NOC3L: variants seen among roughly 807,000 people sequenced by gnomAD.
NOC3L encodes nucleolar complex protein 3 homolog.
Under a neutral mutation model 102.5 loss-of-function variants are expected in NOC3L, and 85 were observed. The ratio of observed to expected loss-of-function variants is 0.83; its 90% CI spans 0.70 to 0.99. The LOEUF (loss-of-function observed/expected upper bound fraction) is 0.99. Among genes scored for constraint, NOC3L ranks in the 50% least tolerant of loss-of-function variants. The pLI is 0.00. For synonymous variants in NOC3L, 303 were observed against 309.4 expected (o/e 0.98, Z 0.22); for missense variants, 878 against 914.9 (o/e 0.96, Z 0.52).
chr10:94,325,313 A>C, the NOC3L span: 1 of 499,200 alleles, frequency 2.0e-6, no homozygotes, highest in Non-Finnish European at 3.6e-6. Context: ...GAAAAAGGGA[A>C]AGAGGCTGGG....
chr10:94,323,983 C>A, the NOC3L span, among the ~76,000 whole-genome samples: 5,104 of 152,284 alleles, frequency 0.034, 291 homozygotes, highest in African/African-American at 0.11. Flanking sequence ...CTATTCCTCA[C>A]TGGCTGACTT....
chr10:94,332,985 G>A (rs2054177271), downstream of NOC3L, among the ~76,000 whole-genome samples: 1 of 152,084 alleles, frequency 6.6e-6, no homozygotes, highest in African/African-American at 2.4e-5. Flanking sequence ...TAAAAAATGT[G>A]ACCTCAGAAC....
At chr10:94,320,931 G>C in the NOC3L span, among the ~76,000 whole-genome samples, 2 of 152,284 alleles carry the variant, frequency 1.3e-5, no homozygotes, top group African/African-American at 2.4e-5. Context: ...AATAAGGTGG[G>C]AGAAGGAAAA....
At chr10:94,356,642 A>C (rs765383383) in intron 4 of NOC3L, 51 bp from the exon 5 acceptor site, 7 of 1,106,730 alleles carry the variant, frequency 6.3e-6, no homozygotes, top group Non-Finnish European at 9.6e-6. Flanking sequence ...TAAGTGGTAA[A>C]AACTGTAAAG....
At chr10:94,359,322 A>G (rs1357617219) in intron 2 of NOC3L, among the ~76,000 whole-genome samples, 1 of 152,192 alleles carries the variant, frequency 6.6e-6, no homozygotes, top group Non-Finnish European at 1.5e-5. Context: ...GCTACTTGGG[A>G]AGCTGAGGCA....
the NOC3L span, among the ~76,000 whole-genome samples, chr10:94,318,619 G>A: frequency 6.6e-6 from 1 of 152,148 alleles, no homozygotes; most frequent in Admixed American, 6.5e-5. Flanking sequence ...CCATCCTTGT[G>A]GATCACCCAC....
chr10:94,329,974 T>G (rs1189219538), downstream of NOC3L: 2 of 152,160 alleles, frequency 1.3e-5, no homozygotes, highest in Non-Finnish European at 2.9e-5. Context: ...TGCACAATGC[T>G]GCTCCATTTT....
chr10:94,356,782 A>G (rs990990637), intron 4 of NOC3L, among the ~76,000 whole-genome samples, 191 bp from the exon 5 acceptor site: 2 of 152,162 alleles, frequency 1.3e-5, no homozygotes, highest in Non-Finnish European at 2.9e-5. Flanking sequence ...CCTTGTCTGA[A>G]TAGTAGTTTT....
chr10:94,343,073 G>C (rs1197079975), intron 13 of NOC3L, among the ~76,000 whole-genome samples: 1 of 145,556 alleles, frequency 6.9e-6, no homozygotes, highest in Non-Finnish European at 1.5e-5. Flanking sequence ...AACAGAGCAA[G>C]ACAGTGTCTC....
chr10:94,362,038 G>A (rs1343246348), intron 1 of NOC3L, 166 bp from the exon 2 acceptor site: 1 of 681,524 alleles, frequency 1.5e-6, no homozygotes, highest in Non-Finnish European at 2.6e-6. Context: ...TAATCCTACA[G>A]AAGAGCGCTA....
Position 94,357,176 on chromosome 10 carries a change from G to C in NOC3L, c.506C>G (p.Pro169Arg). ...SGIIPQTREK[P>R]VTDSNKDEED... is the part of the protein sequence containing the mutation. ...TATTACCAGTTTATTAGACTCACCT[G>C]GCTTCTCCCTAGTCTGTGGGATTAT... Residue 169 changes from proline (P) to arginine (R), a missense_variant and splice_region_variant, in exon 4 of 21, where the codon CCA becomes CGA. Coordinates refer to ENST00000371361, the MANE Select transcript of NOC3L (RefSeq NM_022451.11). 6.4e-7 allele frequency: 1 copy of C among 1,551,746 alleles called. No homozygotes were observed. Among genetic ancestry groups the C allele is most frequent in the African/African-American group, 1.4e-5 (1 of 72,094 alleles).
the NOC3L span, among the ~76,000 whole-genome samples, chr10:94,323,489 A>G: frequency 2.4e-4 from 36 of 152,334 alleles, no homozygotes; most frequent in Non-Finnish European, 4.1e-4. Context: ...TGCCCCTACC[A>G]TATCTGATTT....
the NOC3L span, among the ~76,000 whole-genome samples, chr10:94,319,552 G>C: frequency 6.6e-6 from 1 of 152,064 alleles, no homozygotes; most frequent in Non-Finnish European, 1.5e-5. Flanking sequence ...ACATCTTCCT[G>C]TGGTCAATGT....
chr10:94,357,597 G>A (rs2054503789), intron 3 of NOC3L: 2 of 280,716 alleles, frequency 7.1e-6, no homozygotes, highest in Admixed American at 5.1e-5. Context: ...AGTTACAGCA[G>A]ATTCTTTATG....
chr10:94,320,751 A>T, the NOC3L span, among the ~76,000 whole-genome samples: 1 of 152,208 alleles, frequency 6.6e-6, no homozygotes, highest in African/African-American at 2.4e-5. Context: ...TCATTTGAAA[A>T]TGTGGTGGAC....
At chr10:94,334,887 T>C (rs1243421747) in intron 19 of NOC3L, among the ~76,000 whole-genome samples, 169 bp from the exon 20 acceptor site, 1 of 152,216 alleles carries the variant, frequency 6.6e-6, no homozygotes, top group East Asian at 1.9e-4. Flanking sequence ...CCCATTGTAA[T>C]GTCAACATTA....
At chr10:94,353,940 T>C (rs2054452329) in intron 6 of NOC3L, among the ~76,000 whole-genome samples, 1 of 152,212 alleles carries the variant, frequency 6.6e-6, no homozygotes, top group African/African-American at 2.4e-5. Context: ...CTATTGTCTG[T>C]GAGCACAGGT....
chr10:94,349,011 A>AT (rs1214031809), intron 10 of NOC3L, among the ~76,000 whole-genome samples: 2 of 152,072 alleles, frequency 1.3e-5, no homozygotes, highest in Non-Finnish European at 2.9e-5. Flanking sequence ...GTATAAGCCC[A>AT]TTTTTTATTT....
Position 94,334,222 on chromosome 10 carries a change from T to C in NOC3L, c.2358A>G (p.Glu786=), listed in dbSNP as rs992460205. 7.5e-6 allele frequency: 12 copies of C among 1,606,376 alleles called. No homozygotes were observed. The highest frequency in any genetic ancestry group is 1.7e-4 in the Middle Eastern group (1 of 6,058). Residue 786 remains glutamate (E), a synonymous_variant, in exon 21 of 21, where the codon GAA becomes GAG. Coordinates refer to ENST00000371361, the MANE Select transcript of NOC3L (RefSeq NM_022451.11). The stretch of plus-strand genomic sequence containing the variant: ...AATATTTCGTGAAATCCAGAGGCGA[T>C]TCAGTAGCAACTTCACTGGAGTATC... ...IKRYSSEVAT[E]SPLDFTKYLK...
Sources: allele counts gnomAD v4.1 joint callset (sites outside exome capture counted in the v4.1 genomes callset), GRCh38; gene constraint gnomAD v4.1.1; transcripts MANE v1.5; gene names NCBI Gene and HGNC (gene_info 2026-07-23, HGNC 2026-07-21).